Variants in FAM168B observed in about 807,000 individuals in gnomAD.
FAM168B encodes myelin-associated neurite-outgrowth inhibitor.
Under a neutral mutation model 21.8 loss-of-function variants are expected in FAM168B, and 19 were observed. The observed-to-expected ratio is 0.87, with a 90% CI of 0.61 to 1.28. The LOEUF (loss-of-function observed/expected upper bound fraction) is 1.28, where lower values mean the gene tolerates loss of function less well. FAM168B is among the 50% of genes most tolerant of loss of function. The pLI is 0.00. For synonymous variants in FAM168B, 126 were observed against 104.8 expected (o/e 1.20, Z -1.24); for missense variants, 233 against 263.1 (o/e 0.89, Z 0.79).
chr2:131,049,481 G>C lies in FAM168B; in HGVS notation c.*2984C>G. On this transcript the variant is annotated 3_prime_UTR_variant, in exon 7 of 7. Transcript: ENST00000389915. ...GAAGTGCCTTCAGGCCCATTACCATGACTGGCCCTGACTCTGGCCCTCACA... is the reference window on the plus strand; with the variant it reads ...GAAGTGCCTTCAGGCCCATTACCATCACTGGCCCTGACTCTGGCCCTCACA... The C allele has an allele frequency of 2.4e-5, 24 of 985,412 alleles. No individual in the cohort carries two copies. Among genetic ancestry groups the C allele is most frequent in the Non-Finnish European group, 2.9e-5 (24 of 829,944 alleles). 61.0% of individuals were successfully genotyped at this position (985,412 alleles called of 1,614,324 possible).
At chr2:131,091,361 A>G (rs1383385272) in intron 1 of FAM168B, among the ~76,000 whole-genome samples, 1 of 150,886 alleles carries the variant, frequency 6.6e-6, no homozygotes, top group Non-Finnish European at 1.5e-5. Context: ...ATAAATAAAA[A>G]ATAAAGCATA....
rs116729783 is a variant in FAM168B, at chr2:131,057,275, A to G, written c.155-1580T>C. On this transcript the variant is annotated intron_variant, in intron 3 of 6. Transcript: ENST00000389915. ...TCCTAGTAGCCAAAAATGGGAACTA[A>G]TCCAAATCTTCATCAACTGGAGAAA... is the stretch of plus-strand genomic sequence containing the variant. 5.4e-3 allele frequency among the ~76,000 whole-genome samples: 822 copies of G among 152,342 alleles called. 6 individuals are homozygous for G. The highest frequency in any genetic ancestry group is 0.018 in the African/African-American group (753 of 41,576).
chr2:131,089,208 C>T (rs542414419), intron 1 of FAM168B, among the ~76,000 whole-genome samples: 81 of 151,962 alleles, frequency 5.3e-4, no homozygotes, highest in African/African-American at 1.3e-3. Flanking sequence ...TCAGGTGATC[C>T]GCCAGTCTTG....
intron 4 of FAM168B, 32 bp downstream of exon 4, chr2:131,055,521 C>G: frequency 6.3e-7 from 1 of 1,598,678 alleles, no homozygotes; most frequent in Non-Finnish European, 8.5e-7. Flanking sequence ...GGTATCACCC[C>G]TTCCCACACA....
chr2:131,083,874 GTATT>G (rs10550552), intron 1 of FAM168B, among the ~76,000 whole-genome samples: 17,141 of 147,990 alleles, frequency 0.12, 1,703 homozygotes, highest in African/African-American at 0.27. Context: ...GCAATTTCCT[GTATT>G]TATTTATTTA....
At chr2:131,084,189 G>A (rs1192556990) in intron 1 of FAM168B, among the ~76,000 whole-genome samples, 2 of 111,186 alleles carry the variant, frequency 1.8e-5, no homozygotes, top group Non-Finnish European at 3.6e-5. Context: ...TCTCCCCTCC[G>A]CCCCCCCCAC....
intron 1 of FAM168B, among the ~76,000 whole-genome samples, chr2:131,086,123 T>C (rs1018340587): frequency 6.6e-6 from 1 of 152,166 alleles, no homozygotes; most frequent in African/African-American, 2.4e-5. Flanking sequence ...CCTAGTCCCC[T>C]GTACTTTTAA....
At chr2:131,074,365 A>G (rs1010382082) in intron 2 of FAM168B, among the ~76,000 whole-genome samples, 3 of 152,054 alleles carry the variant, frequency 2.0e-5, no homozygotes, top group East Asian at 3.9e-4. Context: ...CTGACCTCAT[A>G]ATCCGCCCTC....
At chr2:131,077,673 A>C (rs1159077100) in intron 2 of FAM168B, among the ~76,000 whole-genome samples, 1 of 152,196 alleles carries the variant, frequency 6.6e-6, no homozygotes, top group Non-Finnish European at 1.5e-5. Context: ...TTCTCCCTGG[A>C]CAGAAGGCCG....
chr2:131,077,725 G>A (rs1433587976), intron 2 of FAM168B, among the ~76,000 whole-genome samples: 2 of 152,284 alleles, frequency 1.3e-5, no homozygotes, highest in East Asian at 1.9e-4. Flanking sequence ...TGATCTTGAA[G>A]GGCTGTAGTG....
chr2:131,066,112 G>T (rs1692543439), intron 3 of FAM168B, among the ~76,000 whole-genome samples: 1 of 150,696 alleles, frequency 6.6e-6, no homozygotes, highest in African/African-American at 2.4e-5. Context: ...ACACACCAAT[G>T]ACCATGGAAG....
At chr2:131,089,691 C>T (rs2105604254) in intron 1 of FAM168B, among the ~76,000 whole-genome samples, 1 of 144,510 alleles carries the variant, frequency 6.9e-6, no homozygotes, top group African/African-American at 2.6e-5. Context: ...GCACTCCAGT[C>T]TGGGCAACAG....
At position 131,052,094 on chromosome 2, in the gene FAM168B, T is replaced by C; in HGVS notation, c.*371A>G. 13 of 985,830 alleles carry C rather than the reference T, an allele frequency of 1.3e-5. No individual in the cohort carries two copies. The highest frequency in any genetic ancestry group is 1.6e-5 in the Non-Finnish European group (13 of 829,932). The allele number at this position is 985,830 out of a possible 1,614,324, so 61.1% of individuals were successfully genotyped here. ...AGTTGTAAAATACGTTTCCATTCCT[T>C]TGGATTTTGCATATGATGGTTTTGC... On this transcript the variant is annotated 3_prime_UTR_variant, in exon 7 of 7. Transcript: ENST00000389915.
chr2:131,050,392 C>T lies in FAM168B; in HGVS notation c.*2073G>A, dbSNP rs139066381. 6.2e-5 allele frequency: 61 copies of T among 985,726 alleles called. 1 individual carries two copies. The East Asian group carries it at 6.4e-3, about 103-fold the overall frequency. The allele number at this position is 985,726 out of a possible 1,614,324, so 61.1% of individuals were successfully genotyped here. A position where few individuals can be genotyped will look rare whatever the true frequency, so the allele number is the denominator to read the frequency against. Reference sequence around the variant, plus strand: ...ACTTGGTCAGCTGAACCCCTGGAACCGTTAGAACCTACTAATCCTGCCAAC... The same window carrying T: ...ACTTGGTCAGCTGAACCCCTGGAACTGTTAGAACCTACTAATCCTGCCAAC... On this transcript the variant is annotated 3_prime_UTR_variant, in exon 7 of 7. Transcript: ENST00000389915.
chr2:131,054,973 T>C (rs1245377142), intron 5 of FAM168B, among the ~76,000 whole-genome samples: 1 of 152,038 alleles, frequency 6.6e-6, no homozygotes, highest in Non-Finnish European at 1.5e-5. Flanking sequence ...GTGTCCTCCT[T>C]CTACTCAAGT....
chr2:131,061,476 C>T (rs1193873631), intron 3 of FAM168B, among the ~76,000 whole-genome samples: 1 of 151,750 alleles, frequency 6.6e-6, no homozygotes, highest in East Asian at 2.0e-4. Flanking sequence ...CACACCCAAA[C>T]GCACCCCTAG....
At chr2:131,069,260 C>G (rs962292135) in intron 3 of FAM168B, among the ~76,000 whole-genome samples, 22 of 152,214 alleles carry the variant, frequency 1.4e-4, no homozygotes, top group Non-Finnish European at 1.0e-4. Context: ...TAAAAGTGGG[C>G]TACCTCTGAA....
intron 2 of FAM168B, among the ~76,000 whole-genome samples, chr2:131,081,828 C>T (rs1352052284): frequency 6.6e-6 from 1 of 152,192 alleles, no homozygotes; most frequent in Non-Finnish European, 1.5e-5. Flanking sequence ...CCCCAGATAT[C>T]TCTCTTACCT....
In FAM168B at chr2:131,071,815, C is replaced by A. The variant is rs75121870; in HGVS notation, c.154+40G>T. On this transcript the variant is annotated intron_variant, in intron 3 of 6. Transcript: ENST00000389915. ...AAATCCACCCCTTCACCTTTCTCTC[C>A]CAGCTGTACGTACAAAGCATTTTAC... 0.043 allele frequency: 68,054 copies of A among 1,577,440 alleles called. 1,693 individuals are homozygous for A. Among genetic ancestry groups the A allele is most frequent in the Non-Finnish European group, 0.051 (57,935 of 1,146,984 alleles).
Sources: gnomAD v4.1 joint callset for allele counts (sites outside exome capture counted in the v4.1 genomes callset) on GRCh38, gnomAD v4.1.1 for gene constraint, MANE v1.5 for transcripts, NCBI Gene and HGNC (gene_info 2026-07-23, HGNC 2026-07-21) for gene names.